CAST: variants seen among roughly 807,000 people sequenced by gnomAD.
CAST encodes calpastatin.
In CAST, 76 loss-of-function variants were observed where a neutral mutation model predicts 119.6. That is an observed-to-expected ratio of 0.64 (90% confidence interval 0.53 to 0.77). The LOEUF (loss-of-function observed/expected upper bound fraction) is 0.77, where lower values mean the gene tolerates loss of function less well. Ranked by LOEUF, CAST falls within the 30% of genes least tolerant of loss-of-function variation. The pLI is 0.00. For synonymous variants in CAST, 319 were observed against 331.6 expected, an observed-to-expected ratio of 0.96 and a Z score of 0.41; for missense variants, 953 against 946.5, an observed-to-expected ratio of 1.01 and a Z score of -0.09.
intron 1 of CAST, among the ~76,000 whole-genome samples, chr5:96,592,521 T>G (rs1746980706): frequency 6.6e-6 from 1 of 152,210 alleles, no homozygotes; most frequent in African/African-American, 2.4e-5. Context: ...ACTTTTTTAT[T>G]TTAAAGAGAA....
chr5:96,219,944 A>G, the CAST span, among the ~76,000 whole-genome samples: 2 of 152,196 alleles, frequency 1.3e-5, no homozygotes, highest in Non-Finnish European at 2.9e-5. Context: ...AAAGGTTTTA[A>G]GGTCACTTTC....
the CAST span, among the ~76,000 whole-genome samples, chr5:96,282,580 G>C: frequency 2.0e-5 from 3 of 151,040 alleles, no homozygotes; most frequent in Non-Finnish European, 3.0e-5. Flanking sequence ...CACTAGGAAG[G>C]GTTTTTATTT....
At chr5:96,393,702 G>A in the CAST span, among the ~76,000 whole-genome samples, 35,406 of 152,132 alleles carry the variant, frequency 0.23, 4,394 homozygotes, top group South Asian at 0.31. Context: ...TTACTTGTCA[G>A]CCTGCTGTCA....
At chr5:96,393,303 G>A in the CAST span, 34 of 1,614,052 alleles carry the variant, frequency 2.1e-5, no homozygotes, top group South Asian at 8.8e-5. Flanking sequence ...TCATCCCTCC[G>A]GCCCCCTACG....
At chr5:96,189,962 T>A in the CAST span, among the ~76,000 whole-genome samples, 2 of 152,224 alleles carry the variant, frequency 1.3e-5, no homozygotes, top group African/African-American at 4.8e-5. Flanking sequence ...ATGCTATTGG[T>A]ATTCCTCGTA....
At position 96,726,776 on chromosome 5, in the gene CAST, G is replaced by C; in HGVS notation, c.271-18G>C. On this transcript the variant is annotated intron_variant, in intron 4 of 31. Coordinates refer to ENST00000675179, the MANE Select transcript of CAST (RefSeq NM_001750.7). ...CAGATAAAATAAAATTATACCTGGG[G>C]CTGTGCTCTTATATTAGGCCATTCC... 1.3e-6 allele frequency: 2 copies of C among 1,583,808 alleles called. No homozygotes were observed. Among genetic ancestry groups the C allele is most frequent in the Non-Finnish European group, 1.7e-6 (2 of 1,155,370 alleles).
At chr5:96,591,164 G>T (rs1746955746) in intron 1 of CAST, among the ~76,000 whole-genome samples, 1 of 152,202 alleles carries the variant, frequency 6.6e-6, no homozygotes, top group Non-Finnish European at 1.5e-5. Context: ...GAAGAGAAGA[G>T]AAGCAGAGCA....
At chr5:96,216,802 GT>G in the CAST span, among the ~76,000 whole-genome samples, 2 of 152,106 alleles carry the variant, frequency 1.3e-5, no homozygotes, top group African/African-American at 4.8e-5. Flanking sequence ...TTGAGAAAAT[GT>G]TTGCCAAGTA....
At chr5:95,971,247 T>C in the CAST span, among the ~76,000 whole-genome samples, 2 of 152,194 alleles carry the variant, frequency 1.3e-5, no homozygotes, top group African/African-American at 2.4e-5. Context: ...GTTTGTATCT[T>C]GTGTTTTTAA....
chr5:96,395,661 G>A, the CAST span, among the ~76,000 whole-genome samples: 2 of 152,120 alleles, frequency 1.3e-5, no homozygotes, highest in African/African-American at 2.4e-5. Flanking sequence ...GGCAAGGGGA[G>A]GGATAGCATT....
chr5:96,104,188 T>C, the CAST span, among the ~76,000 whole-genome samples: 1 of 152,234 alleles, frequency 6.6e-6, no homozygotes, highest in Non-Finnish European at 1.5e-5. Flanking sequence ...GTAGGTTGCC[T>C]GTTCACTCTG....
chr5:96,566,427 A>G (rs1746470700), intron 1 of CAST, among the ~76,000 whole-genome samples: 2 of 152,258 alleles, frequency 1.3e-5, no homozygotes, highest in South Asian at 4.1e-4. Flanking sequence ...ATGCTAATCT[A>G]TCACTGATGA....
At chr5:96,416,656 A>T in the CAST span, among the ~76,000 whole-genome samples, 1 of 152,180 alleles carries the variant, frequency 6.6e-6, no homozygotes, top group South Asian at 2.1e-4. Flanking sequence ...TCCTCTAAAT[A>T]TATGCCACAC....
At chr5:96,562,495 G>A (rs1483857773) in intron 1 of CAST, among the ~76,000 whole-genome samples, 2 of 152,156 alleles carry the variant, frequency 1.3e-5, no homozygotes, top group Non-Finnish European at 2.9e-5. Context: ...GATAGTAAGG[G>A]TGTGGGGAAA....
the CAST span, among the ~76,000 whole-genome samples, chr5:96,176,779 GT>G: frequency 6.6e-6 from 1 of 152,138 alleles, no homozygotes; most frequent in South Asian, 2.1e-4. Flanking sequence ...TCTCAATGGT[GT>G]TAATTAAATT....
chr5:96,568,137 T>TA lies in CAST; in HGVS notation c.60+38259dup, dbSNP rs139430836. Among the ~76,000 whole-genome samples, 922 of 152,276 alleles carry TA rather than the reference T, an allele frequency of 6.1e-3. 12 individuals are homozygous for TA. Among genetic ancestry groups the TA allele is most frequent in the African/African-American group, 0.021 (878 of 41,548 alleles). On this transcript the variant is annotated intron_variant, in intron 1 of 11. Coordinates refer to the CAST transcript ENST00000505143. ...GATCCTTTCGCATTTTTAGGTGTGTTAAGAGCAAGCGTGTATCTGATGCTG... is the reference window on the plus strand; with the variant it reads ...GATCCTTTCGCATTTTTAGGTGTGTTAAAGAGCAAGCGTGTATCTGATGCTG...
chr5:96,579,179 C>T (rs1208546081), intron 1 of CAST, among the ~76,000 whole-genome samples: 1 of 152,140 alleles, frequency 6.6e-6, no homozygotes, highest in African/African-American at 2.4e-5. Context: ...GTCCTAGGCA[C>T]GTGGAAGTGG....
the CAST span, among the ~76,000 whole-genome samples, chr5:96,279,672 T>A: frequency 6.6e-6 from 1 of 152,224 alleles, no homozygotes. Flanking sequence ...ATGTTCTGAT[T>A]AATGTTCTTA....
chr5:96,513,095 C>T, the CAST span, among the ~76,000 whole-genome samples: 1,368 of 152,240 alleles, frequency 9.0e-3, 15 homozygotes, highest in South Asian at 0.029. Flanking sequence ...CATTCATTCT[C>T]GGGTCCTGAT....
Sources: allele counts gnomAD v4.1 joint callset (sites outside exome capture counted in the v4.1 genomes callset), GRCh38; gene constraint gnomAD v4.1.1; transcripts MANE v1.5; gene names NCBI Gene and HGNC (gene_info 2026-07-23, HGNC 2026-07-21).